CNBD1: variants seen among roughly 807,000 people sequenced by gnomAD.
CNBD1 encodes cyclic nucleotide-binding domain-containing protein 1.
CNBD1 carries 71 observed loss-of-function variants against 54.4 expected under a neutral mutation model. The ratio of observed to expected loss-of-function variants is 1.30; its 90% CI spans 1.08 to 1.59. CNBD1 has a LOEUF of 1.59. Ranked by LOEUF, CNBD1 falls within the 40% of genes most tolerant of loss-of-function variation. The pLI, the probability that CNBD1 is intolerant of heterozygous loss-of-function variation, is 0.00. For synonymous variants in CNBD1, 182 were observed against 170.7 expected (o/e 1.07, Z -0.51); for missense variants, 659 against 518.0 (o/e 1.27, Z -2.64).
intron 4 of CNBD1, among the ~76,000 whole-genome samples, chr8:87,071,106 T>C (rs1810751533): frequency 6.6e-6 from 1 of 152,126 alleles, no homozygotes; most frequent in Admixed American, 6.6e-5. Flanking sequence ...CTCTTTTCTG[T>C]GGTGGTTTTT....
At chr8:87,304,601 C>T (rs1216389783) in intron 8 of CNBD1, among the ~76,000 whole-genome samples, 1 of 151,944 alleles carries the variant, frequency 6.6e-6, no homozygotes, top group East Asian at 1.9e-4. Flanking sequence ...CAAACCTGCA[C>T]CTTGTGCAAA....
chr8:87,231,083 A>T (rs1047046240), intron 5 of CNBD1, among the ~76,000 whole-genome samples: 2 of 152,182 alleles, frequency 1.3e-5, no homozygotes, highest in Non-Finnish European at 2.9e-5. Flanking sequence ...GGGAGGTGCC[A>T]CATAAGTCAT....
intron 6 of CNBD1, among the ~76,000 whole-genome samples, chr8:87,245,798 G>A (rs1278080148): frequency 4.6e-5 from 7 of 151,788 alleles, no homozygotes; most frequent in Non-Finnish European, 7.4e-5. Context: ...TATACGTGTT[G>A]CAAATATGAT....
intron 4 of CNBD1, among the ~76,000 whole-genome samples, chr8:87,103,727 C>CATGGGGATT (rs1457664572): frequency 1.3e-5 from 2 of 152,160 alleles, no homozygotes; most frequent in Non-Finnish European, 2.9e-5. Flanking sequence ...ACCCACGACA[C>CATGGGGATT]ATGGGGATTA....
chr8:87,340,597 T>C (rs1354472099), intron 8 of CNBD1, among the ~76,000 whole-genome samples: 3 of 152,078 alleles, frequency 2.0e-5, no homozygotes, highest in African/African-American at 7.2e-5. Flanking sequence ...TTTACTCTTT[T>C]TCTGTTGTTG....
chr8:87,212,526 C>T (rs1435100275), intron 5 of CNBD1, among the ~76,000 whole-genome samples: 1 of 152,016 alleles, frequency 6.6e-6, no homozygotes, highest in Non-Finnish European at 1.5e-5. Flanking sequence ...ATCAATGGAA[C>T]AGATTGAGTC....
intron 4 of CNBD1, among the ~76,000 whole-genome samples, chr8:87,138,957 A>G (rs1188647472): frequency 6.6e-6 from 1 of 152,226 alleles, no homozygotes; most frequent in Non-Finnish European, 1.5e-5. Context: ...GAGCTTTCCC[A>G]TGAATGCATC....
At chr8:87,006,236 C>A (rs1809094704) in intron 4 of CNBD1, among the ~76,000 whole-genome samples, 1 of 152,150 alleles carries the variant, frequency 6.6e-6, no homozygotes, top group East Asian at 1.9e-4. Context: ...CTCCTAAGGT[C>A]TCTCTCTTCT....
chr8:87,378,182 C>CT (rs1296350145), intron 10 of CNBD1, among the ~76,000 whole-genome samples: 1 of 140,856 alleles, frequency 7.1e-6, no homozygotes, highest in African/African-American at 2.7e-5. Flanking sequence ...TCAATTTTGT[C>CT]TTTTGTTGCC....
intron 4 of CNBD1, among the ~76,000 whole-genome samples, chr8:87,007,486 A>G (rs949995428): frequency 3.9e-5 from 6 of 152,136 alleles, no homozygotes; most frequent in Admixed American, 3.9e-4. Context: ...GCTATGTTTT[A>G]GCAGCTGAAG....
intron 8 of CNBD1, among the ~76,000 whole-genome samples, chr8:87,340,269 G>A (rs1810038141): frequency 6.6e-6 from 1 of 152,140 alleles, no homozygotes; most frequent in Non-Finnish European, 1.5e-5. Flanking sequence ...TTCCTAGTAG[G>A]TGATAATTCA....
intron 3 of CNBD1, among the ~76,000 whole-genome samples, chr8:86,938,939 A>AGAT (rs1157201038): frequency 2.6e-5 from 4 of 152,232 alleles, no homozygotes; most frequent in African/African-American, 9.6e-5. Context: ...TCTATTATCA[A>AGAT]GATGTAATCC....
intron 4 of CNBD1, among the ~76,000 whole-genome samples, chr8:86,998,493 ATGT>A (rs1482494297): frequency 6.6e-6 from 1 of 152,158 alleles, no homozygotes; most frequent in African/African-American, 2.4e-5. Flanking sequence ...AGAAGGCACA[ATGT>A]TGTTTTTTTC....
intron 8 of CNBD1, among the ~76,000 whole-genome samples, chr8:87,335,515 T>G (rs889157933): frequency 6.6e-6 from 1 of 152,320 alleles, no homozygotes; most frequent in Non-Finnish European, 1.5e-5. Flanking sequence ...TATCAGAGAC[T>G]AGGGTTTCCA....
intron 4 of CNBD1, among the ~76,000 whole-genome samples, chr8:86,995,556 G>C (rs1808852510): frequency 6.6e-6 from 1 of 152,118 alleles, no homozygotes; most frequent in African/African-American, 2.4e-5. Context: ...AGGGTAAGAA[G>C]TGTTTTAGTA....
At chr8:86,990,530 A>G (rs1430569730) in intron 4 of CNBD1, among the ~76,000 whole-genome samples, 1 of 152,104 alleles carries the variant, frequency 6.6e-6, no homozygotes, top group African/African-American at 2.4e-5. Flanking sequence ...TGGGTTGTCT[A>G]TTCTGTTTCA....
intron 4 of CNBD1, among the ~76,000 whole-genome samples, chr8:86,996,000 T>G (rs1808862539): frequency 6.6e-6 from 1 of 152,194 alleles, no homozygotes. Flanking sequence ...TGCCATGATT[T>G]CCACTTATAC....
intron 2 of CNBD1, among the ~76,000 whole-genome samples, chr8:86,897,672 T>C (rs1162385125): frequency 3.3e-5 from 5 of 152,208 alleles, no homozygotes; most frequent in African/African-American, 7.2e-5. Flanking sequence ...TAATGTTTTT[T>C]TCCTCTTCTG....
At chr8:87,229,894 T>G (rs963133224) in intron 5 of CNBD1, among the ~76,000 whole-genome samples, 15 of 152,250 alleles carry the variant, frequency 9.9e-5, no homozygotes, top group Admixed American at 2.0e-4. Context: ...TTCTGAACTC[T>G]CTTACAAATA....
Sources: gnomAD v4.1 joint callset for allele counts (sites outside exome capture counted in the v4.1 genomes callset) on GRCh38, gnomAD v4.1.1 for gene constraint, MANE v1.5 for transcripts, NCBI Gene and HGNC (gene_info 2026-07-23, HGNC 2026-07-21) for gene names.